The following DNM3 variants were observed in gnomAD, a reference collection of about 807,000 sequenced individuals.
The protein encoded by DNM3 is dynamin 3, also known as dynamin-3.
Under a neutral mutation model 101.6 loss-of-function variants are expected in DNM3, and 47 were observed. That is an observed-to-expected ratio of 0.46 (90% CI 0.37 to 0.59). The LOEUF is 0.59. DNM3 is among the 20% of genes least tolerant of loss of function. The probability of loss-of-function intolerance (pLI) is 0.00; values close to 1 mark genes in which losing one functional copy is unlikely to be tolerated. For synonymous variants in DNM3, 385 were observed against 387.9 expected (o/e 0.99, Z 0.09); for missense variants, 849 against 1,085.7 (o/e 0.78, Z 3.06).
At chr1:172,031,837 A>G (rs907414264) in intron 4 of DNM3, among the ~76,000 whole-genome samples, 2 of 152,226 alleles carry the variant, frequency 1.3e-5, no homozygotes, top group Admixed American at 6.5e-5. Context: ...CCATTAAATC[A>G]TATTTCCTTT....
At chr1:172,225,134 C>CTTTTTTTTTTTTTTTT (rs1168334078) in intron 14 of DNM3, among the ~76,000 whole-genome samples, 19 of 65,528 alleles carry the variant, frequency 2.9e-4, no homozygotes, top group Non-Finnish European at 3.8e-4. Flanking sequence ...TCTTCTTCCT[C>CTTTTTTTTTTTTTTTT]TTTTTTTTTT....
chr1:172,229,207 C>A (rs1469066646), intron 14 of DNM3, among the ~76,000 whole-genome samples: 1 of 152,126 alleles, frequency 6.6e-6, no homozygotes, highest in African/African-American at 2.4e-5. Context: ...AGTCAACCAA[C>A]CATTATGCTT....
chr1:171,978,859 T>A (rs1185852661), intron 2 of DNM3, among the ~76,000 whole-genome samples: 1 of 152,122 alleles, frequency 6.6e-6, no homozygotes. Context: ...TTTTGAGATA[T>A]CTATTAGACA....
intron 12 of DNM3, among the ~76,000 whole-genome samples, chr1:172,086,290 C>T (rs1171929171): frequency 6.6e-6 from 1 of 152,146 alleles, no homozygotes; most frequent in Non-Finnish European, 1.5e-5. Context: ...TGTTTCTTCT[C>T]CCTTTGGCTT....
At chr1:172,119,658 C>G (rs1450343831) in intron 13 of DNM3, among the ~76,000 whole-genome samples, 1 of 152,122 alleles carries the variant, frequency 6.6e-6, no homozygotes, top group African/African-American at 2.4e-5. Context: ...CAACAATTCA[C>G]AAATTTGCAC....
Position 172,263,645 on chromosome 1 carries a change from C to A in DNM3, c.1769+9963C>A, listed in dbSNP as rs917459004. ...GGGGAACTTCCCTTTATAAAATCATCAGATCTTGTGAGACTTATTCACTAT... is the reference window on the plus strand; with the variant it reads ...GGGGAACTTCCCTTTATAAAATCATAAGATCTTGTGAGACTTATTCACTAT... On this transcript the variant is annotated intron_variant, in intron 15 of 20. Transcript: ENST00000627582. Among the ~76,000 whole-genome samples the A allele has an allele frequency of 1.3e-4, 20 of 152,254 alleles. No individual in the cohort carries two copies. In the East Asian group the frequency reaches 3.3e-3, roughly 25 times the overall value.
At chr1:172,190,632 A>G (rs1331405251) in intron 14 of DNM3, among the ~76,000 whole-genome samples, 1 of 152,180 alleles carries the variant, frequency 6.6e-6, no homozygotes, top group Non-Finnish European at 1.5e-5. Context: ...AGTCCCACCA[A>G]CAGTATAAAA....
chr1:172,094,510 C>G (rs1293557838), intron 13 of DNM3, among the ~76,000 whole-genome samples: 1 of 152,114 alleles, frequency 6.6e-6, no homozygotes, highest in African/African-American at 2.4e-5. Flanking sequence ...AAATTCTGTT[C>G]TGTCACTTAA....
chr1:172,158,495 C>A (rs2058427116), intron 14 of DNM3, among the ~76,000 whole-genome samples: 1 of 151,992 alleles, frequency 6.6e-6, no homozygotes, highest in Admixed American at 6.6e-5. Flanking sequence ...CCAGGATCGC[C>A]TGTCCAGAAC....
chr1:171,841,565 G>C lies in DNM3; in HGVS notation c.-92G>C. The C allele has an allele frequency of 6.9e-7, 1 of 1,454,062 alleles. No individual in the cohort carries two copies. The highest frequency in any genetic ancestry group is 9.1e-7 in the Non-Finnish European group (1 of 1,095,334). The allele number at this position is 1,454,062 out of a possible 1,614,324, so 90.1% of individuals were successfully genotyped here. ...CAGGACCTGGCTGGCTGAGCCCGGCGCAGCAGCAGCAGCCAGGGCAGCGCG... is the reference window on the plus strand; with the variant it reads ...CAGGACCTGGCTGGCTGAGCCCGGCCCAGCAGCAGCAGCCAGGGCAGCGCG... On this transcript the variant is annotated 5_prime_UTR_variant, in exon 1 of 21. Coordinates refer to ENST00000627582, the MANE Select transcript of DNM3 (RefSeq NM_015569.5).
At chr1:172,124,774 A>G (rs1467485565) in intron 13 of DNM3, among the ~76,000 whole-genome samples, 5 of 152,202 alleles carry the variant, frequency 3.3e-5, no homozygotes, top group Non-Finnish European at 7.3e-5. Flanking sequence ...ACAGGTTAAT[A>G]CTAGAACCTA....
chr1:171,852,155 T>G (rs984366324), intron 1 of DNM3, among the ~76,000 whole-genome samples: 3 of 152,238 alleles, frequency 2.0e-5, no homozygotes, highest in Non-Finnish European at 4.4e-5. Flanking sequence ...AATTCAGACA[T>G]TCCAAAATAC....
At chr1:172,090,959 C>T (rs942729567) in intron 12 of DNM3, among the ~76,000 whole-genome samples, 1 of 152,172 alleles carries the variant, frequency 6.6e-6, no homozygotes, top group Non-Finnish European at 1.5e-5. Flanking sequence ...TATTGCTGAT[C>T]TTCCCAGAAT....
At chr1:172,001,333 T>C (rs1237744781) in intron 4 of DNM3, among the ~76,000 whole-genome samples, 1 of 151,998 alleles carries the variant, frequency 6.6e-6, no homozygotes, top group African/African-American at 2.4e-5. Context: ...CATCTGCTTG[T>C]TTTATAGATA....
chr1:172,218,868 T>C (rs1384060880), intron 14 of DNM3, among the ~76,000 whole-genome samples: 2 of 152,122 alleles, frequency 1.3e-5, no homozygotes, highest in Admixed American at 1.3e-4. Flanking sequence ...TAAAAGAAAT[T>C]TCTCTTTGAA....
intron 14 of DNM3, among the ~76,000 whole-genome samples, chr1:172,184,734 T>C (rs2148409478): frequency 6.6e-6 from 1 of 152,248 alleles, no homozygotes; most frequent in South Asian, 2.1e-4. Flanking sequence ...ATCTGACCCA[T>C]GGACTTGATA....
intron 14 of DNM3, among the ~76,000 whole-genome samples, chr1:172,181,001 C>T (rs1020752781): frequency 6.6e-6 from 1 of 152,024 alleles, no homozygotes; most frequent in African/African-American, 2.4e-5. Context: ...GAGCACTTAC[C>T]AAGTGCCGCC....
chr1:172,144,619 C>CG (rs1203046478), intron 14 of DNM3: 1 of 533,428 alleles, frequency 1.9e-6, no homozygotes, highest in Non-Finnish European at 3.9e-6. Flanking sequence ...ACTGGGGCGA[C>CG]GGAGCAGGAT....
chr1:171,962,380 G>A (rs1273899980), intron 2 of DNM3, among the ~76,000 whole-genome samples: 1 of 152,166 alleles, frequency 6.6e-6, no homozygotes, highest in Non-Finnish European at 1.5e-5. Flanking sequence ...AGGTTACCAG[G>A]GGTTGGAGGA....
Sources: gnomAD v4.1 joint callset for allele counts (sites outside exome capture counted in the v4.1 genomes callset) on GRCh38, gnomAD v4.1.1 for gene constraint, MANE v1.5 for transcripts, NCBI Gene and HGNC (gene_info 2026-07-23, HGNC 2026-07-21) for gene names.